HDAC9: variants seen among roughly 807,000 people sequenced by gnomAD.
HDAC9 encodes the protein MEF-2 interacting transcription repressor (MITR) protein.
In HDAC9, 41 loss-of-function variants were observed where a neutral mutation model predicts 139.4. That is an observed-to-expected ratio of 0.29 (90% CI 0.23 to 0.38). The LOEUF (loss-of-function observed/expected upper bound fraction) is 0.38, where lower values mean the gene tolerates loss of function less well. HDAC9 is among the 10% of genes least tolerant of loss of function. HDAC9 has a pLI of 1.00. For missense variants in HDAC9, 1,147 were observed against 1,297.0 expected (o/e 0.88, Z 1.78); for synonymous variants, 517 against 476.2 (o/e 1.09, Z -1.12).
chr7:18,212,435 CTG>C (rs1270280864), intron 2 of HDAC9, among the ~76,000 whole-genome samples: 1 of 152,178 alleles, frequency 6.6e-6, no homozygotes, highest in African/African-American at 2.4e-5. Context: ...AGCTCAGGCT[CTG>C]TAGCCAGAAA....
intron 7 of HDAC9, 114 bp from the exon 8 acceptor site, chr7:18,634,513 T>C: frequency 1.6e-6 from 1 of 641,164 alleles, no homozygotes; most frequent in South Asian, 2.1e-5. Context: ...TGTGAAATAG[T>C]GCTTGCATTT....
intron 22 of HDAC9, among the ~76,000 whole-genome samples, chr7:18,886,268 C>T (rs530767894): frequency 5.3e-5 from 8 of 152,270 alleles, no homozygotes; most frequent in Non-Finnish European, 8.8e-5. Flanking sequence ...TGTTTAGTTA[C>T]TGATGTCATG....
chr7:18,142,822 A>AC (rs1259473940), intron 1 of HDAC9, among the ~76,000 whole-genome samples: 1 of 152,134 alleles, frequency 6.6e-6, no homozygotes, highest in African/African-American at 2.4e-5. Context: ...CTTCACGTTC[A>AC]CAACTTCTGC....
At chr7:18,270,955 C>A (rs1028882993) in intron 2 of HDAC9, among the ~76,000 whole-genome samples, 1 of 151,950 alleles carries the variant, frequency 6.6e-6, no homozygotes, top group Non-Finnish European at 1.5e-5. Context: ...TGTTAATTTG[C>A]AAAAATAAAT....
chr7:18,687,482 A>G (rs1340472064), intron 12 of HDAC9, among the ~76,000 whole-genome samples: 1 of 151,892 alleles, frequency 6.6e-6, no homozygotes. Flanking sequence ...ATAAATGTCT[A>G]TATTGGGATA....
At chr7:18,452,496 G>C (rs1399944302) in intron 1 of HDAC9, among the ~76,000 whole-genome samples, 2 of 152,124 alleles carry the variant, frequency 1.3e-5, no homozygotes, top group Non-Finnish European at 2.9e-5. Flanking sequence ...CATTTGCATA[G>C]AGAAAGAGAA....
intron 19 of HDAC9, among the ~76,000 whole-genome samples, chr7:18,833,310 A>G (rs1262842207): frequency 6.6e-6 from 1 of 152,238 alleles, no homozygotes; most frequent in Admixed American, 6.5e-5. Flanking sequence ...GAGAGAACAT[A>G]TCATTTTATA....
chr7:18,534,075 C>A (rs1055913384), intron 2 of HDAC9, among the ~76,000 whole-genome samples: 3 of 152,164 alleles, frequency 2.0e-5, no homozygotes, highest in Admixed American at 2.0e-4. Flanking sequence ...CTGCTCTCCT[C>A]CTTTCATGTT....
At chr7:18,648,347 A>G in intron 10 of HDAC9, 119 bp from the exon 11 acceptor site, 2 of 817,274 alleles carry the variant, frequency 2.4e-6, no homozygotes, top group Non-Finnish European at 3.8e-6. Context: ...ATTTTCTTAC[A>G]GTTTATACCA....
intron 23 of HDAC9, among the ~76,000 whole-genome samples, chr7:18,947,160 T>TA (rs1424843239): frequency 6.6e-6 from 1 of 151,962 alleles, no homozygotes; most frequent in East Asian, 1.9e-4. Context: ...TAAATGTATA[T>TA]ATTAGAAAAG....
At chr7:18,468,231 A>T (rs1794452340) in intron 1 of HDAC9, among the ~76,000 whole-genome samples, 1 of 151,956 alleles carries the variant, frequency 6.6e-6, no homozygotes. Context: ...TGAAATTTAA[A>T]CTCCTCCTTG....
intron 2 of HDAC9, among the ~76,000 whole-genome samples, chr7:18,557,711 A>AAAT (rs1819295294): frequency 6.8e-6 from 1 of 147,718 alleles, no homozygotes; most frequent in African/African-American, 2.5e-5. Context: ...TATATTGTAA[A>AAAT]ATATTAACAA....
chr7:18,506,502 A>T (rs577614347), intron 2 of HDAC9, among the ~76,000 whole-genome samples: 2 of 152,078 alleles, frequency 1.3e-5, no homozygotes, highest in Non-Finnish European at 2.9e-5. Context: ...GAATGATTCT[A>T]TTATTGAAAG....
intron 2 of HDAC9, among the ~76,000 whole-genome samples, chr7:18,555,630 TG>T (rs1323832408): frequency 6.6e-6 from 1 of 152,172 alleles, no homozygotes; most frequent in Non-Finnish European, 1.5e-5. Context: ...GAGGATATAC[TG>T]GATCTTAGCA....
intron 24 of HDAC9, among the ~76,000 whole-genome samples, chr7:18,963,004 A>G (rs113204682): frequency 2.0e-5 from 3 of 152,106 alleles, no homozygotes; most frequent in African/African-American, 7.2e-5. Flanking sequence ...TTCCCACTCC[A>G]TTTCAAAAAT....
intron 12 of HDAC9, among the ~76,000 whole-genome samples, chr7:18,676,254 T>A (rs1272053142): frequency 6.6e-6 from 1 of 152,010 alleles, no homozygotes. Flanking sequence ...CGGGGTTGTA[T>A]ATGGACTCTT....
chr7:18,843,035 A>C (rs1796687563), intron 21 of HDAC9, among the ~76,000 whole-genome samples: 1 of 152,132 alleles, frequency 6.6e-6, no homozygotes, highest in South Asian at 2.1e-4. Context: ...GATCAGCTAT[A>C]AAAATTTTAA....
At chr7:18,565,192 C>G (rs1821903238) in intron 2 of HDAC9, among the ~76,000 whole-genome samples, 1 of 152,160 alleles carries the variant, frequency 6.6e-6, no homozygotes, top group East Asian at 1.9e-4. Flanking sequence ...GACGGGGTTT[C>G]TCCACGTTGG....
At chr7:18,547,501 C>T (rs1444699896) in intron 2 of HDAC9, among the ~76,000 whole-genome samples, 11 of 152,202 alleles carry the variant, frequency 7.2e-5, no homozygotes, top group Non-Finnish European at 8.8e-5. Context: ...TCCCAAAGTG[C>T]TGGGATTACA....
Sources: allele counts gnomAD v4.1 joint callset (sites outside exome capture counted in the v4.1 genomes callset), GRCh38; gene constraint gnomAD v4.1.1; transcripts MANE v1.5; gene names NCBI Gene and HGNC (gene_info 2026-07-23, HGNC 2026-07-21).